INSIG2: variants seen among roughly 807,000 people sequenced by gnomAD.
INSIG2 encodes insulin induced gene 2.
INSIG2 carries 10 observed loss-of-function variants against 27.2 expected under a neutral mutation model. The ratio of observed to expected loss-of-function variants is 0.37; its 90% confidence interval spans 0.23 to 0.62. The LOEUF is 0.62. INSIG2 is among the 20% of genes least tolerant of loss of function. INSIG2 has a pLI of 0.65. For synonymous variants in INSIG2, 97 were observed against 95.8 expected (o/e 1.01, Z -0.07); for missense variants, 178 against 270.2 (o/e 0.66, Z 2.39).
Position 118,103,369 on chromosome 2 carries a change from A to G in INSIG2, c.369+48A>G, listed in dbSNP as rs200563207. On this transcript the variant is annotated intron_variant, in intron 3 of 5. Transcript: ENST00000245787. ...ATGCATAATAACAAAGTGGCTTCCA[A>G]CAAACCAAAGGTTAAACAGCCCCTT... is the stretch of plus-strand genomic sequence containing the variant. 4 of 1,556,360 alleles carry G rather than the reference A, an allele frequency of 2.6e-6. No homozygotes were observed. The East Asian group carries it at 9.0e-5, about 35-fold the overall frequency.
chr2:118,094,649 T>A (rs1054225966), intron 1 of INSIG2, among the ~76,000 whole-genome samples: 1 of 152,206 alleles, frequency 6.6e-6, no homozygotes, highest in Non-Finnish European at 1.5e-5. Flanking sequence ...GAACAGAATT[T>A]CCTCTTGAAT....
intron 1 of INSIG2, 61 bp from the exon 2 acceptor site, chr2:118,096,358 G>A: frequency 2.1e-6 from 1 of 477,606 alleles, no homozygotes; most frequent in Non-Finnish European, 3.7e-6. Context: ...ATTGAAATCA[G>A]TAAAATTACA....
intron 1 of INSIG2, among the ~76,000 whole-genome samples, chr2:118,093,249 G>GATGAT (rs1293171610): frequency 1.2e-5 from 1 of 82,568 alleles, no homozygotes. Flanking sequence ...TGATGATGAT[G>GATGAT]GAGAGTTCTG....
intron 1 of INSIG2, among the ~76,000 whole-genome samples, chr2:118,094,358 A>G (rs1678357023): frequency 6.2e-5 from 1 of 16,040 alleles, no homozygotes. Flanking sequence ...AACCTTGCCA[A>G]AAGCAACCAG....
chr2:118,096,902 T>G, intron 2 of INSIG2, 102 bp downstream of exon 2: 2 of 1,287,134 alleles, frequency 1.6e-6, no homozygotes, highest in Non-Finnish European at 2.1e-6. Context: ...AATATATTTA[T>G]TGAGATATAA....
At chr2:118,093,109 G>C (rs1164065198) in intron 1 of INSIG2, among the ~76,000 whole-genome samples, 1 of 122,182 alleles carries the variant, frequency 8.2e-6, no homozygotes, top group Non-Finnish European at 1.7e-5. Context: ...TGATGAAGGA[G>C]AGTTCTGTAG....
intron 1 of INSIG2, among the ~76,000 whole-genome samples, 162 bp from the exon 2 acceptor site, chr2:118,096,257 T>G (rs1678401474): frequency 6.6e-6 from 1 of 152,170 alleles, no homozygotes; most frequent in Admixed American, 6.6e-5. Context: ...CTTTTAAAAC[T>G]TTTTCTTATT....
chr2:118,106,683 AGAT>A (rs1488172231), intron 3 of INSIG2, 51 bp from the exon 4 acceptor site: 2 of 1,442,846 alleles, frequency 1.4e-6, no homozygotes, highest in Non-Finnish European at 1.9e-6. Flanking sequence ...AAAAATGAAC[AGAT>A]GATATTATTT....
At chr2:118,107,778 G>A (rs927951947) in intron 5 of INSIG2, among the ~76,000 whole-genome samples, 1 of 152,138 alleles carries the variant, frequency 6.6e-6, no homozygotes, top group African/African-American at 2.4e-5. Flanking sequence ...AATTGTGGGT[G>A]TACATTTTTA....
chr2:118,103,491 TAA>T (rs1678601232), intron 3 of INSIG2, among the ~76,000 whole-genome samples, 170 bp downstream of exon 3: 1 of 152,224 alleles, frequency 6.6e-6, no homozygotes, highest in Non-Finnish European at 1.5e-5. Context: ...TGTGCAATTA[TAA>T]AGTGGGGTAT....
chr2:118,098,771 C>T (rs1321919486), intron 2 of INSIG2, among the ~76,000 whole-genome samples: 2 of 152,230 alleles, frequency 1.3e-5, no homozygotes, highest in African/African-American at 2.4e-5. Context: ...CACAGTTCAG[C>T]CACTACTTTC....
At chr2:118,103,412 A>G (rs1678598415) in intron 3 of INSIG2, 91 bp downstream of exon 3, 2 of 1,080,544 alleles carry the variant, frequency 1.9e-6, no homozygotes. Flanking sequence ...CACTGTTGTC[A>G]AATTATGATA....
intron 3 of INSIG2, among the ~76,000 whole-genome samples, chr2:118,105,823 G>A (rs965327906): frequency 2.6e-5 from 4 of 152,078 alleles, no homozygotes; most frequent in Admixed American, 6.6e-5. Context: ...AACCTCCCCC[G>A]CCTTCCCCAG....
chr2:118,097,983 A>G (rs991919263), intron 2 of INSIG2, among the ~76,000 whole-genome samples: 5 of 152,232 alleles, frequency 3.3e-5, no homozygotes, highest in African/African-American at 1.2e-4. Flanking sequence ...TCTCACTATT[A>G]CATCGTTCAC....
At chr2:118,103,069 C>CTTTTTTTTTTTTTTTTTTTTTTTTTTT in intron 2 of INSIG2, 128 bp from the exon 3 acceptor site, 1 of 787,406 alleles carries the variant, frequency 1.3e-6, no homozygotes, top group Non-Finnish European at 1.9e-6. Flanking sequence ...TGTGAAATAA[C>CTTTTTTTTTTTTTTTTTTTTTTTTTTT]TTTTTTTTTT....
rs1317932981 is a variant in INSIG2, at chr2:118,107,188, T to C, written c.635T>C (p.Met212Thr). The C allele has an allele frequency of 3.1e-6, 5 of 1,600,314 alleles. No homozygotes were observed. Among genetic ancestry groups the C allele is most frequent in the African/African-American group, 1.3e-5 (1 of 74,606 alleles). Reference protein sequence around the residue: ...TMGNIGRQLAMYECKVIAEKS... With the variant: ...TMGNIGRQLATYECKVIAEKS... ...GGAAACATTGGTCGACAACTGGCAA[T>C]GGTAAGCTGATGCTCACTTTTCTGA... The change falls in exon 5 of 6, where the codon ATG (methionine) becomes ACG (threonine). Residue 212 changes from methionine to threonine, a missense_variant and splice_region_variant. Met to Thr is a moderately conservative substitution (Grantham distance 81, BLOSUM62 -1). Transcript: ENST00000245787.
chr2:118,096,618 TC>T lies in INSIG2; in HGVS notation c.63del (p.Thr22LeufsTer5), dbSNP rs1203737754. 1.9e-6 allele frequency: 3 copies of T among 1,613,966 alleles called. No individual in the cohort carries two copies. The highest frequency in any genetic ancestry group is 2.5e-6 in the Non-Finnish European group (3 of 1,179,864). On this transcript the variant is annotated frameshift_variant, in exon 2 of 6. Coordinates refer to ENST00000245787, the MANE Select transcript of INSIG2 (RefSeq NM_016133.4). LOFTEE classifies it high-confidence loss of function. Reference sequence around the variant, plus strand: ...AAGTGTGGCCCATATATTTCATCTGTCACTAGCCAGAGTGTGAACTTGATGA... The same window carrying T: ...AAGTGTGGCCCATATATTTCATCTGTACTAGCCAGAGTGTGAACTTGATGA... ...PKKCGPYISSVTSQSVNLMIR... is the reference protein window; with the variant it reads ...PKKCGPYISSXTSQSVNLMIR...
chr2:118,097,318 C>T (rs1678433412), intron 2 of INSIG2, among the ~76,000 whole-genome samples: 1 of 152,170 alleles, frequency 6.6e-6, no homozygotes. Flanking sequence ...ATGATGAGCA[C>T]CACCATTTGG....
rs199743735 is a variant in INSIG2, at chr2:118,096,842, G to A, written c.244+42G>A. The stretch of plus-strand genomic sequence containing the variant: ...TCTGTAATGCTTAGAAAGGAAATAG[G>A]GTAAATGAGTATGGACGTTGTCTGA... On this transcript the variant is annotated intron_variant, in intron 2 of 5. Coordinates refer to ENST00000245787, the MANE Select transcript of INSIG2 (RefSeq NM_016133.4). 101 of 1,592,036 alleles carry A rather than the reference G, an allele frequency of 6.3e-5. 2 individuals are homozygous for A. The South Asian group carries it at 1.1e-3, about 17-fold the overall frequency.
Sources: gnomAD v4.1 joint callset for allele counts (sites outside exome capture counted in the v4.1 genomes callset) on GRCh38, gnomAD v4.1.1 for gene constraint, MANE v1.5 for transcripts, NCBI Gene and HGNC (gene_info 2026-07-23, HGNC 2026-07-21) for gene names.